The following C2CD3 variants were observed in gnomAD, a reference collection of about 807,000 sequenced individuals.
The protein encoded by C2CD3 is C2 domain-containing protein 3.
In C2CD3, 148 loss-of-function variants were observed where a neutral mutation model predicts 234.0. The observed-to-expected ratio is 0.63, with a 90% CI of 0.55 to 0.72. The LOEUF (loss-of-function observed/expected upper bound fraction) is 0.72. Ranked by LOEUF, C2CD3 falls within the 30% of genes least tolerant of loss-of-function variation. The pLI is 0.00. For missense variants in C2CD3, 2,577 were observed against 2,811.5 expected, an observed-to-expected ratio of 0.92 and a Z score of 1.89; for synonymous variants, 1,000 against 1,035.4, an observed-to-expected ratio of 0.97 and a Z score of 0.66.
chr11:74,073,470 C>T (rs1222010953), intron 24 of C2CD3, among the ~76,000 whole-genome samples: 1 of 151,700 alleles, frequency 6.6e-6, no homozygotes, highest in Non-Finnish European at 1.5e-5. Flanking sequence ...GCCTGTAATC[C>T]CAGCTACTCA....
chr11:74,146,673 T>A (rs1590934743), intron 3 of C2CD3, among the ~76,000 whole-genome samples: 1 of 151,564 alleles, frequency 6.6e-6, no homozygotes, highest in African/African-American at 2.4e-5. Context: ...AGCTATTTAC[T>A]GTCTTATTTA....
intron 17 of C2CD3, among the ~76,000 whole-genome samples, chr11:74,094,915 TG>T (rs1161236687): frequency 1.3e-5 from 2 of 152,284 alleles, no homozygotes; most frequent in Non-Finnish European, 2.9e-5. Context: ...ACTTATACTA[TG>T]TGTATAGATA....
intron 24 of C2CD3, among the ~76,000 whole-genome samples, chr11:74,058,059 C>A (rs1954041447): frequency 6.6e-6 from 1 of 152,196 alleles, no homozygotes; most frequent in Non-Finnish European, 1.5e-5. Flanking sequence ...AAAGAAGTGA[C>A]TTCTCTCATG....
chr11:74,030,667 C>G (rs995649557), intron 31 of C2CD3, among the ~76,000 whole-genome samples: 2 of 152,168 alleles, frequency 1.3e-5, no homozygotes, highest in Non-Finnish European at 2.9e-5. Flanking sequence ...TTGGTTCCCC[C>G]TTCCCAGGCT....
rs550015859 is a variant in C2CD3, at chr11:74,092,244, G to A, written c.3517+172C>T. ...ATTTTTTTGTATTTTTGGTAGAGAC[G>A]GGGTTTCTCCATGTTGGTCAGGCTG... On this transcript the variant is annotated intron_variant, in intron 19 of 32. Transcript: ENST00000334126. Among the ~76,000 whole-genome samples the A allele has an allele frequency of 2.4e-4, 36 of 151,918 alleles. No individual in the cohort carries two copies. In the South Asian group the frequency reaches 5.8e-3, roughly 25 times the overall value.
intron 24 of C2CD3, among the ~76,000 whole-genome samples, chr11:74,060,284 C>G (rs187038593): frequency 1.3e-5 from 2 of 152,220 alleles, no homozygotes; most frequent in African/African-American, 4.8e-5. Flanking sequence ...TCTCCCAGCA[C>G]GGAGTTTGAG....
chr11:74,136,208 A>C (rs1957857309), intron 5 of C2CD3, among the ~76,000 whole-genome samples: 1 of 152,136 alleles, frequency 6.6e-6, no homozygotes, highest in South Asian at 2.1e-4. Context: ...TCCAGCCCAC[A>C]CTTGACCATT....
At chr11:74,022,461 G>A (rs551920993) in intron 32 of C2CD3, among the ~76,000 whole-genome samples, 15 of 152,258 alleles carry the variant, frequency 9.9e-5, no homozygotes, top group East Asian at 7.7e-4. Flanking sequence ...ACGTGTCTGC[G>A]GCATGAGAGA....
chr11:74,120,324 G>A (rs961974705), intron 8 of C2CD3, among the ~76,000 whole-genome samples: 3 of 151,896 alleles, frequency 2.0e-5, no homozygotes, highest in African/African-American at 4.8e-5. Context: ...TCCCCGCCCC[G>A]TGTCTAAGTG....
chr11:74,087,310 T>A (rs1955683259), intron 20 of C2CD3, among the ~76,000 whole-genome samples: 1 of 152,076 alleles, frequency 6.6e-6, no homozygotes, highest in Non-Finnish European at 1.5e-5. Context: ...GCGCCTGTAA[T>A]CCCAGCACTT....
In C2CD3 at chr11:74,133,482, A is replaced by C. The variant is rs780888436; in HGVS notation, c.1031T>G (p.Met344Arg). ...SAMKSSPETS[M>R]LLDQVHPPIN... ...AGGAGGATGAACTTGGTCCAACAAC[A>C]TGCTGGTCTCTGGGCTTGATTTCAT... Residue 344 changes from methionine (M) to arginine (R), a missense_variant, in exon 6 of 33, where the codon ATG (methionine) becomes AGG (arginine). By Grantham distance (91) the Met-to-Arg change is moderately conservative. Coordinates refer to ENST00000334126, the MANE Select transcript of C2CD3 (RefSeq NM_001286577.2). The C allele has an allele frequency of 1.6e-5, 26 of 1,613,822 alleles. No individual in the cohort carries two copies. Among genetic ancestry groups the C allele is most frequent in the Non-Finnish European group, 2.2e-5 (26 of 1,179,814 alleles).
At position 74,085,692 on chromosome 11, in the gene C2CD3, T is replaced by A; in HGVS notation, c.3836A>T (p.Glu1279Val). 1 of 1,614,080 alleles carries A rather than the reference T, an allele frequency of 6.2e-7. No individual in the cohort carries two copies. The highest frequency in any genetic ancestry group is 8.5e-7 in the Non-Finnish European group (1 of 1,180,012). The change falls in exon 21 of 33, where the codon GAG becomes GTG. Residue 1279 changes from glutamate (E) to valine (V), a missense_variant. Coordinates refer to ENST00000334126, the MANE Select transcript of C2CD3 (RefSeq NM_001286577.2). Reference sequence around the variant, plus strand: ...CAACAACTCTGCTAGGAAACAGGCCTCTCCACTACAGTGCTGAGTCACCAA... The same window carrying A: ...CAACAACTCTGCTAGGAAACAGGCCACTCCACTACAGTGCTGAGTCACCAA... ...CNLVTQHCSG[E>V]ACFLAELLEF... is the part of the protein sequence containing the mutation.
chr11:74,164,307 G>A (rs1174515770), intron 2 of C2CD3: 1 of 899,230 alleles, frequency 1.1e-6, no homozygotes, highest in Admixed American at 6.2e-5. Context: ...TTCTACTCTA[G>A]TAGTTCCATG....
intron 24 of C2CD3, among the ~76,000 whole-genome samples, chr11:74,059,965 A>G (rs942353084): frequency 6.6e-6 from 1 of 152,154 alleles, no homozygotes; most frequent in South Asian, 2.1e-4. Flanking sequence ...ACACCAGGAG[A>G]CTGTATCCCG....
At chr11:74,053,198 T>C (rs1953775658) in intron 26 of C2CD3, among the ~76,000 whole-genome samples, 1 of 152,242 alleles carries the variant, frequency 6.6e-6, no homozygotes, top group African/African-American at 2.4e-5. Flanking sequence ...GGCTTCAGCT[T>C]TTACAGCTAT....
chr11:74,059,099 G>A (rs1954092004), intron 24 of C2CD3, among the ~76,000 whole-genome samples: 1 of 152,174 alleles, frequency 6.6e-6, no homozygotes, highest in Admixed American at 6.5e-5. Flanking sequence ...GAGCAGAGCA[G>A]AAAAGAATAG....
intron 14 of C2CD3, among the ~76,000 whole-genome samples, chr11:74,101,660 A>G (rs964313367): frequency 6.6e-6 from 1 of 152,208 alleles, no homozygotes; most frequent in Admixed American, 6.5e-5. Context: ...GTTAACTGAT[A>G]CAAAAAGCTC....
Position 74,071,832 on chromosome 11 carries a change from G to C in C2CD3, c.4951+2421C>G, listed in dbSNP as rs183848374. Among the ~76,000 whole-genome samples the C allele has an allele frequency of 4.6e-5, 7 of 152,228 alleles. No homozygotes were observed. The East Asian group carries it at 9.7e-4, about 21-fold the overall frequency. On this transcript the variant is annotated intron_variant, in intron 24 of 32. Transcript: ENST00000334126. ...TGTACAAAGACTAGAATAGAACTCA[G>C]CACACAGCAGATGATGCTCAATAAA...
At position 74,162,194 on chromosome 11, in the gene C2CD3, T is replaced by A. The variant is rs182261596; in HGVS notation, c.326-638A>T. Among the ~76,000 whole-genome samples, 98 of 152,244 alleles carry A rather than the reference T, an allele frequency of 6.4e-4. 1 individual carries two copies. The highest frequency in any genetic ancestry group is 7.2e-4 in the Non-Finnish European group (49 of 68,026). On this transcript the variant is annotated intron_variant, in intron 2 of 32. Coordinates refer to ENST00000334126, the MANE Select transcript of C2CD3 (RefSeq NM_001286577.2). Reference sequence around the variant, plus strand: ...TTAATAAAATGTGTTTTTTTAATAATGGCAAAATGGTGAAAAATAAAGTAA... The same window carrying A: ...TTAATAAAATGTGTTTTTTTAATAAAGGCAAAATGGTGAAAAATAAAGTAA...
Sources: gnomAD v4.1 joint callset for allele counts (sites outside exome capture counted in the v4.1 genomes callset) on GRCh38, gnomAD v4.1.1 for gene constraint, MANE v1.5 for transcripts, NCBI Gene and HGNC (gene_info 2026-07-23, HGNC 2026-07-21) for gene names.